LEMD3: variants seen among roughly 807,000 people sequenced by gnomAD.
LEMD3 encodes LEM domain containing 3, also known as inner nuclear membrane protein Man1.
LEMD3 carries 33 observed loss-of-function variants against 95.2 expected under a neutral mutation model. That is an observed-to-expected ratio of 0.35 (90% CI 0.26 to 0.46). The LOEUF is 0.46. Ranked by LOEUF, LEMD3 falls within the 20% of genes least tolerant of loss-of-function variation. The pLI is 1.00. For missense variants in LEMD3, 1,210 were observed against 1,192.8 expected (o/e 1.01, Z -0.21); for synonymous variants, 525 against 474.6 (o/e 1.11, Z -1.38).
intron 4 of LEMD3, among the ~76,000 whole-genome samples, chr12:65,235,311 T>C (rs1870741734): frequency 6.6e-6 from 1 of 152,236 alleles, no homozygotes; most frequent in Admixed American, 6.5e-5. Flanking sequence ...TTATAACAAT[T>C]GAAACTAATT....
At chr12:65,198,173 AT>A (rs1485287155) in intron 1 of LEMD3, among the ~76,000 whole-genome samples, 1 of 152,060 alleles carries the variant, frequency 6.6e-6, no homozygotes, top group Non-Finnish European at 1.5e-5. Context: ...TTTAGTGTAA[AT>A]TTAGAGGAAC....
chr12:65,240,338 C>A, intron 8 of LEMD3, 100 bp downstream of exon 8: 1 of 890,104 alleles, frequency 1.1e-6, no homozygotes. Flanking sequence ...CTCAACTAGA[C>A]TTGCTTACTG....
intron 1 of LEMD3, among the ~76,000 whole-genome samples, chr12:65,196,445 T>A (rs1458677443): frequency 3.3e-5 from 5 of 152,040 alleles, no homozygotes; most frequent in African/African-American, 1.2e-4. Flanking sequence ...GAGTTACCTT[T>A]GGTAAGGTTC....
At chr12:65,213,485 C>G (rs1870007514) in intron 2 of LEMD3, among the ~76,000 whole-genome samples, 1 of 152,152 alleles carries the variant, frequency 6.6e-6, no homozygotes, top group Non-Finnish European at 1.5e-5. Context: ...GCTCAGCCTC[C>G]CAAACTTGGG....
chr12:65,223,001 T>TA (rs1441858684), intron 4 of LEMD3, among the ~76,000 whole-genome samples: 1 of 152,214 alleles, frequency 6.6e-6, no homozygotes, highest in Non-Finnish European at 1.5e-5. Context: ...TGTGAAAAGT[T>TA]ACTTGGTATG....
At chr12:65,207,593 A>G (rs536421089) in intron 1 of LEMD3, among the ~76,000 whole-genome samples, 1 of 152,156 alleles carries the variant, frequency 6.6e-6, no homozygotes, top group Non-Finnish European at 1.5e-5. Context: ...TTCTGAGAGA[A>G]TATTTTTGTG....
chr12:65,219,054 A>G (rs1870201030), intron 4 of LEMD3, among the ~76,000 whole-genome samples: 2 of 152,156 alleles, frequency 1.3e-5, no homozygotes, highest in Non-Finnish European at 1.5e-5. Flanking sequence ...GGCCTCCCAA[A>G]GTGCTGGGAT....
intron 4 of LEMD3, among the ~76,000 whole-genome samples, chr12:65,231,193 G>A (rs1870615785): frequency 1.3e-5 from 2 of 151,618 alleles, no homozygotes; most frequent in South Asian, 4.2e-4. Context: ...TTTTCTTTTT[G>A]GAATCTCATT....
intron 4 of LEMD3, among the ~76,000 whole-genome samples, chr12:65,223,680 G>A (rs937959081): frequency 6.6e-6 from 1 of 151,538 alleles, no homozygotes; most frequent in African/African-American, 2.4e-5. Flanking sequence ...TATTCATTCA[G>A]CCACTCAGTG....
chr12:65,180,879 A>C (rs1010950394), intron 1 of LEMD3, among the ~76,000 whole-genome samples: 2 of 152,178 alleles, frequency 1.3e-5, no homozygotes, highest in Admixed American at 1.3e-4. Context: ...TTCTGCCCTG[A>C]ATATGACATG....
At chr12:65,212,536 C>CAA (rs35873080) in intron 2 of LEMD3, among the ~76,000 whole-genome samples, 31,290 of 103,140 alleles carry the variant, frequency 0.3, 4,036 homozygotes, top group Admixed American at 0.34. Flanking sequence ...GACTCCATCT[C>CAA]AAAAAAAAAA....
At chr12:65,180,841 T>C (rs949219753) in intron 1 of LEMD3, among the ~76,000 whole-genome samples, 1 of 152,194 alleles carries the variant, frequency 6.6e-6, no homozygotes, top group South Asian at 2.1e-4. Flanking sequence ...CCTGAACTAA[T>C]TGGGTAGTAA....
chr12:65,234,563 T>C (rs1205703467), intron 4 of LEMD3, among the ~76,000 whole-genome samples: 1 of 152,160 alleles, frequency 6.6e-6, no homozygotes, highest in African/African-American at 2.4e-5. Flanking sequence ...TTAATGAGGT[T>C]TTAAATAATC....
Position 65,170,193 on chromosome 12 carries a change from C to A in LEMD3, c.597C>A (p.Ala199=). ...ERRKPHSWWG[A]RRPAGPELQT... is the part of the protein sequence containing the mutation. ...GGAAGCCCCACTCGTGGTGGGGGGC[C>A]AGGAGGCCGGCGGGCCCCGAGCTGC... The change falls in exon 1 of 13, where the codon GCC becomes GCA. Residue 199 remains alanine (A), a synonymous_variant. Transcript: ENST00000308330. 6.6e-7 allele frequency: 1 copy of A among 1,504,204 alleles called. No homozygotes were observed. The highest frequency in any genetic ancestry group is 2.3e-5 in the East Asian group (1 of 42,646). The allele number at this position is 1,504,204 out of a possible 1,614,324, so 93.2% of individuals were successfully genotyped here.
At chr12:65,229,510 G>C (rs1256269554) in intron 4 of LEMD3, among the ~76,000 whole-genome samples, 2 of 152,180 alleles carry the variant, frequency 1.3e-5, no homozygotes, top group Admixed American at 6.5e-5. Context: ...CAGTGGATAA[G>C]AGTTCCCCTT....
intron 1 of LEMD3, among the ~76,000 whole-genome samples, chr12:65,209,163 C>A (rs769510473): frequency 2.0e-5 from 3 of 152,100 alleles, no homozygotes; most frequent in Non-Finnish European, 2.9e-5. Context: ...ATAACACACG[C>A]TCCCTGTCTT....
At chr12:65,181,323 C>T (rs559348206) in intron 1 of LEMD3, among the ~76,000 whole-genome samples, 37 of 152,240 alleles carry the variant, frequency 2.4e-4, no homozygotes, top group African/African-American at 7.5e-4. Context: ...CATTCAGTCA[C>T]GCATTCACCC....
chr12:65,228,341 T>C (rs1021742849), intron 4 of LEMD3, among the ~76,000 whole-genome samples: 4 of 151,444 alleles, frequency 2.6e-5, no homozygotes, highest in Non-Finnish European at 4.4e-5. Flanking sequence ...AAAAAAGATA[T>C]TAATGAACTG....
chr12:65,174,408 C>T (rs913592572), intron 1 of LEMD3, among the ~76,000 whole-genome samples: 9 of 152,070 alleles, frequency 5.9e-5, no homozygotes, highest in Non-Finnish European at 1.3e-4. Context: ...TTATAGCCCA[C>T]CAAACGAAAA....
Sources: allele counts gnomAD v4.1 joint callset (sites outside exome capture counted in the v4.1 genomes callset), GRCh38; gene constraint gnomAD v4.1.1; transcripts MANE v1.5; gene names NCBI Gene and HGNC (gene_info 2026-07-23, HGNC 2026-07-21).